UPF2: variants seen among roughly 807,000 people sequenced by gnomAD.
The protein encoded by UPF2 is regulator of nonsense transcripts 2.
UPF2 carries 17 observed loss-of-function variants against 141.4 expected under a neutral mutation model. The ratio of observed to expected loss-of-function variants is 0.12; its 90% CI spans 0.08 to 0.18. The LOEUF is 0.18. Among genes scored for constraint, UPF2 ranks in the 10% least tolerant of loss-of-function variants. The pLI is 1.00. For synonymous variants in UPF2, 540 were observed against 498.0 expected, an observed-to-expected ratio of 1.08 and a Z score of -1.12; for missense variants, 1,152 against 1,515.9, an observed-to-expected ratio of 0.76 and a Z score of 3.99.
chr10:12,033,238 CA>C (rs1834560690), intron 2 of UPF2, among the ~76,000 whole-genome samples: 1 of 152,052 alleles, frequency 6.6e-6, no homozygotes, highest in African/African-American at 2.4e-5. Flanking sequence ...ACACCGTTTC[CA>C]AAAACGATTT....
rs185432503 is a variant in UPF2 at position 11,981,595 on chromosome 10, G to T, written c.1845-2430C>A. 4.4e-4 allele frequency among the ~76,000 whole-genome samples: 67 copies of T among 152,266 alleles called. 1 individual carries two copies. The East Asian group carries it at 0.011, about 25-fold the overall frequency. ...TATTTTTAAGGTTTTATCAATTAAA[G>T]TCTAAGCTGCTGTCACATGGAAAAT... On this transcript the variant is annotated intron_variant, in intron 8 of 21. Transcript: ENST00000357604.
chr10:11,997,864 G>A, intron 7 of UPF2, 107 bp from the exon 8 acceptor site: 1 of 1,147,662 alleles, frequency 8.7e-7, no homozygotes, highest in South Asian at 1.4e-5. Flanking sequence ...ATTTCAAAAT[G>A]GTTTTAAGAA....
Position 11,920,969 on chromosome 10 carries a change from A to T in UPF2, c.*329T>A. On this transcript the variant is annotated 3_prime_UTR_variant, in exon 22 of 22. Transcript: ENST00000357604. ...CACAACCCGTTTCTTCTCTGGCTCA[A>T]TCATCTCCTTCACGCTCTCCTTGGT... is the stretch of plus-strand genomic sequence containing the variant. 1.7e-6 allele frequency: 1 copy of T among 586,650 alleles called. No homozygotes were observed. Among genetic ancestry groups the T allele is most frequent in the Non-Finnish European group, 3.4e-6 (1 of 295,314 alleles). The allele number at this position is 586,650 out of a possible 1,614,324, so 36.3% of individuals were successfully genotyped here.
intron 10 of UPF2, among the ~76,000 whole-genome samples, chr10:11,966,543 G>A (rs545487122): frequency 2.0e-5 from 3 of 152,148 alleles, no homozygotes; most frequent in South Asian, 4.2e-4. Context: ...TCCTCCCTCA[G>A]CCTCCCGAGT....
chr10:12,018,984 AT>A (rs1834271915), intron 3 of UPF2, among the ~76,000 whole-genome samples: 1 of 152,244 alleles, frequency 6.6e-6, no homozygotes, highest in Admixed American at 6.5e-5. Context: ...TTATCAAAAA[AT>A]ATGACCAAAA....
At chr10:11,957,841 C>A (rs1355375264) in intron 12 of UPF2, among the ~76,000 whole-genome samples, 2 of 152,042 alleles carry the variant, frequency 1.3e-5, no homozygotes, top group Non-Finnish European at 2.9e-5. Context: ...AAAATAAAAT[C>A]ATTAATTTCC....
chr10:11,944,305 CCAA>C (rs1237673178), intron 16 of UPF2, among the ~76,000 whole-genome samples: 1 of 152,102 alleles, frequency 6.6e-6, no homozygotes, highest in East Asian at 1.9e-4. Flanking sequence ...ACCAGCCTGG[CCAA>C]CATGGCGAAA....
intron 18 of UPF2, among the ~76,000 whole-genome samples, chr10:11,937,124 C>A (rs983005356): frequency 2.0e-5 from 3 of 152,260 alleles, no homozygotes; most frequent in African/African-American, 7.2e-5. Flanking sequence ...GGCTCCCCAG[C>A]AGGGCGTTAC....
intron 21 of UPF2, 76 bp downstream of exon 21, chr10:11,929,788 TA>T: frequency 6.5e-7 from 1 of 1,539,500 alleles, no homozygotes; most frequent in East Asian, 2.3e-5. Context: ...CCAAAAACTA[TA>T]ATCCAGAATT....
rs1023072139 is a variant in UPF2 at position 11,980,711 on chromosome 10, C to T, written c.1845-1546G>A. ...TCACACCATTGCAATCCAGCCTGGG[C>T]AACAAGAGCGAAACTCCATCTCAAA... On this transcript the variant is annotated intron_variant, in intron 8 of 21. Transcript: ENST00000357604. The surrounding 1 kb of genome is among the most constrained non-coding windows in gnomAD (Gnocchi z 4.2). Among the ~76,000 whole-genome samples, 1 of 152,022 alleles carries T rather than the reference C, an allele frequency of 6.6e-6. No individual in the cohort carries two copies. Among genetic ancestry groups the T allele is most frequent in the African/African-American group, 2.4e-5 (1 of 41,380 alleles).
intron 9 of UPF2, among the ~76,000 whole-genome samples, chr10:11,976,819 A>T (rs915987781): frequency 6.6e-6 from 1 of 152,256 alleles, no homozygotes; most frequent in African/African-American, 2.4e-5. Flanking sequence ...TATAATTATT[A>T]TTAAAATAAT....
At position 12,000,024 on chromosome 10, in the gene UPF2, G is replaced by T; in HGVS notation, c.1655-15C>A. ...ATCTTCTTGTTCTAATGTAAAATTA[G>T]TTTTTAAATAGGTTAAAAAAAAAAG... On this transcript the variant is annotated splice_polypyrimidine_tract_variant and intron_variant, in intron 6 of 21. Transcript: ENST00000357604. The T allele has an allele frequency of 6.4e-7, 1 of 1,555,422 alleles. No homozygotes were observed. Among genetic ancestry groups the T allele is most frequent in the African/African-American group, 1.4e-5 (1 of 71,520 alleles).
chr10:11,945,821 A>G lies in UPF2; in HGVS notation c.3174+2548T>C, dbSNP rs530742123. ...TAGATACTGCTCATGTAATTAGTAC[A>G]GTAGCCAAATCCAAGACAACCATAA... On this transcript the variant is annotated intron_variant, in intron 16 of 21. Transcript: ENST00000357604. 4.6e-5 allele frequency among the ~76,000 whole-genome samples: 7 copies of G among 152,340 alleles called. No homozygotes were observed. The South Asian group carries it at 8.3e-4, about 18-fold the overall frequency.
intron 18 of UPF2, among the ~76,000 whole-genome samples, chr10:11,938,865 T>TTTTTTTTTTTTTTTTG (rs1832895063): frequency 1.1e-5 from 1 of 87,402 alleles, no homozygotes; most frequent in African/African-American, 3.7e-5. Context: ...TTTTTTTTTT[T>TTTTTTTTTTTTTTTTG]TTTTTTTTTT....
intron 21 of UPF2, among the ~76,000 whole-genome samples, chr10:11,926,816 T>C (rs1039137694): frequency 5.9e-5 from 9 of 152,112 alleles, no homozygotes; most frequent in Non-Finnish European, 1.3e-4. Flanking sequence ...AAGGGGCAAG[T>C]GTAGCCGATT....
intron 3 of UPF2, among the ~76,000 whole-genome samples, chr10:12,026,440 G>A (rs988808023): frequency 1.3e-5 from 2 of 152,124 alleles, no homozygotes; most frequent in Non-Finnish European, 2.9e-5. Flanking sequence ...AGAACTGGAG[G>A]TATTTAACAT....
At chr10:12,037,465 G>A (rs1041415112) in intron 1 of UPF2, among the ~76,000 whole-genome samples, 3 of 145,162 alleles carry the variant, frequency 2.1e-5, no homozygotes, top group East Asian at 4.0e-4. Context: ...GTGTGATCTC[G>A]GCTCACTGCA....
chr10:11,983,293 G>A (rs1266634673), intron 8 of UPF2, among the ~76,000 whole-genome samples: 1 of 152,140 alleles, frequency 6.6e-6, no homozygotes, highest in Non-Finnish European at 1.5e-5. Context: ...TCCTACTGAT[G>A]TTATATATAT....
chr10:12,021,829 T>A (rs1834323204), intron 3 of UPF2, among the ~76,000 whole-genome samples: 1 of 152,128 alleles, frequency 6.6e-6, no homozygotes, highest in African/African-American at 2.4e-5. Context: ...CCAATTTTAA[T>A]AAAAATTGGC....
Sources: allele counts gnomAD v4.1 joint callset (sites outside exome capture counted in the v4.1 genomes callset), GRCh38; gene constraint gnomAD v4.1.1; non-coding constraint Gnocchi (gnomAD v3.1); transcripts MANE v1.5; gene names NCBI Gene and HGNC (gene_info 2026-07-23, HGNC 2026-07-21).